Variants in PPIL1 observed in about 807,000 individuals in gnomAD.
PPIL1 encodes peptidylprolyl isomerase like 1, also known as peptidyl-prolyl cis-trans isomerase-like 1.
PPIL1 carries 14 observed loss-of-function variants against 19.4 expected under a neutral mutation model. That is an observed-to-expected ratio of 0.72 (90% CI 0.48 to 1.13). The LOEUF (loss-of-function observed/expected upper bound fraction) is 1.13, where lower values mean the gene tolerates loss of function less well. Ranked by LOEUF, PPIL1 falls within the 50% of genes most tolerant of loss-of-function variation. PPIL1 has a pLI of 0.00. For missense variants in PPIL1, 192 were observed against 218.0 expected, an observed-to-expected ratio of 0.88 and a Z score of 0.75; for synonymous variants, 72 against 73.6, an observed-to-expected ratio of 0.98 and a Z score of 0.11.
At chr6:36,864,709 C>T (rs544651302) in intron 2 of PPIL1, among the ~76,000 whole-genome samples, 7 of 152,128 alleles carry the variant, frequency 4.6e-5, no homozygotes, top group Non-Finnish European at 7.3e-5. Context: ...TCCTTCAATG[C>T]ACAGGACAGC....
chr6:36,869,358 A>C (rs989600931), intron 2 of PPIL1, among the ~76,000 whole-genome samples: 2 of 152,206 alleles, frequency 1.3e-5, no homozygotes, highest in African/African-American at 4.8e-5. Flanking sequence ...AAGTGGCCAC[A>C]TTTGGTGAGA....
rs1314969506 is a variant in PPIL1, at chr6:36,855,559, T to C, written c.*254A>G. ...GCACAAGAAGCAGCATTATGGTTCA[T>C]GTGTAGTAAGTAGTCACCTATTGAT... is the stretch of plus-strand genomic sequence containing the variant. On this transcript the variant is annotated 3_prime_UTR_variant, in exon 4 of 4. Transcript: ENST00000373699. 1.4e-5 allele frequency: 7 copies of C among 506,694 alleles called. No individual in the cohort carries two copies. Among genetic ancestry groups the C allele is most frequent in the Non-Finnish European group, 2.2e-5 (6 of 278,168 alleles). 31.4% of individuals were successfully genotyped at this position (506,694 alleles called of 1,614,324 possible).
chr6:36,865,111 C>G (rs555936134), intron 2 of PPIL1, among the ~76,000 whole-genome samples: 1 of 152,334 alleles, frequency 6.6e-6, no homozygotes, highest in African/African-American at 2.4e-5. Context: ...ACACTCCCGA[C>G]AGGTGAGCTG....
At position 36,855,944 on chromosome 6, in the gene PPIL1, C is replaced by T. The variant is rs756748356; in HGVS notation, c.370G>A (p.Gly124Ser). 13 of 1,614,134 alleles carry T rather than the reference C, an allele frequency of 8.1e-6. No individual in the cohort carries two copies. Among genetic ancestry groups the T allele is most frequent in the Admixed American group, 1.7e-5 (1 of 60,016 alleles). Residue 124 changes from glycine to serine, a missense_variant, in exon 4 of 4, where the codon GGC becomes AGC. Transcript: ENST00000373699. Reference sequence around the variant, plus strand: ...ACTCGGCCAAAAATGGTGTGTTTGCCGTCAAGCCACTGGGTGGGGGCGAGG... The same window carrying T: ...ACTCGGCCAAAAATGGTGTGTTTGCTGTCAAGCCACTGGGTGGGGGCGAGG... ...VTLAPTQWLD[G>S]KHTIFGRVCQ...
intron 3 of PPIL1, among the ~76,000 whole-genome samples, 172 bp downstream of exon 3, chr6:36,856,414 A>C (rs563697602): frequency 1.3e-5 from 2 of 152,324 alleles, no homozygotes; most frequent in East Asian, 3.9e-4. Flanking sequence ...ATTGCTCAGA[A>C]CTTTGTGAGA....
intron 3 of PPIL1, 141 bp from the exon 4 acceptor site, chr6:36,856,174 GTC>G (rs1774163879): frequency 3.6e-6 from 3 of 835,210 alleles, no homozygotes; most frequent in Admixed American, 2.5e-5. Context: ...CCTCAGGGCA[GTC>G]TCTCTGCCCT....
intron 2 of PPIL1, among the ~76,000 whole-genome samples, chr6:36,857,424 A>G (rs34651740): frequency 0.19 from 29,018 of 152,094 alleles, 2,976 homozygotes; most frequent in East Asian, 0.28. Context: ...AAGCTGAGGC[A>G]GGAGGACTGC....
intron 2 of PPIL1, among the ~76,000 whole-genome samples, chr6:36,859,109 T>C (rs1774225632): frequency 6.6e-6 from 1 of 151,858 alleles, no homozygotes; most frequent in Non-Finnish European, 1.5e-5. Flanking sequence ...AAACAAGAAG[T>C]GCATTAAGGA....
At chr6:36,863,659 G>T (rs1774335428) in intron 2 of PPIL1, among the ~76,000 whole-genome samples, 1 of 152,100 alleles carries the variant, frequency 6.6e-6, no homozygotes, top group Non-Finnish European at 1.5e-5. Flanking sequence ...TCAACACCAA[G>T]TGTCTCTACT....
chr6:36,864,711 C>T (rs1583113314), intron 2 of PPIL1, among the ~76,000 whole-genome samples: 1 of 152,160 alleles, frequency 6.6e-6, no homozygotes, highest in African/African-American at 2.4e-5. Flanking sequence ...CTTCAATGCA[C>T]AGGACAGCAC....
intron 3 of PPIL1, among the ~76,000 whole-genome samples, chr6:36,856,339 A>G (rs112562781): frequency 5.5e-4 from 84 of 152,352 alleles, no homozygotes; most frequent in African/African-American, 1.9e-3. Context: ...CTTTGAGGAC[A>G]CTTTTGATAT....
At position 36,855,430 on chromosome 6, in the gene PPIL1, T is replaced by G; in HGVS notation, c.*383A>C. The G allele has an allele frequency of 3.6e-6, 1 of 281,472 alleles. No homozygotes were observed. The highest frequency in any genetic ancestry group is 8.5e-5 in the East Asian group (1 of 11,768). The allele number at this position is 281,472 out of a possible 1,614,324, so 17.4% of individuals were successfully genotyped here. ...GGCTGTCAGCCATCAAGGACTGCTG[T>G]GTAGGCCAGAATATAAATCTCCTTA... On this transcript the variant is annotated 3_prime_UTR_variant, in exon 4 of 4. Coordinates refer to ENST00000373699, the MANE Select transcript of PPIL1 (RefSeq NM_016059.5).
At chr6:36,860,367 T>C (rs1258238762) in intron 2 of PPIL1, among the ~76,000 whole-genome samples, 2 of 152,098 alleles carry the variant, frequency 1.3e-5, no homozygotes, top group East Asian at 3.9e-4. Flanking sequence ...GTGGCTGAGG[T>C]GAGAGGATCA....
At chr6:36,873,447 C>A (rs1014172979) in intron 1 of PPIL1, among the ~76,000 whole-genome samples, 1 of 152,088 alleles carries the variant, frequency 6.6e-6, no homozygotes, top group Non-Finnish European at 1.5e-5. Context: ...ATCATATGAT[C>A]CCATTTTTTT....
intron 2 of PPIL1, among the ~76,000 whole-genome samples, chr6:36,861,474 T>G (rs1774287049): frequency 6.6e-6 from 1 of 152,184 alleles, no homozygotes; most frequent in Admixed American, 6.5e-5. Context: ...AGTCCCGCTG[T>G]GGGCTCTGAG....
At chr6:36,872,644 G>T (rs540941557) in intron 1 of PPIL1, among the ~76,000 whole-genome samples, 63 of 151,722 alleles carry the variant, frequency 4.2e-4, no homozygotes, top group Non-Finnish European at 4.3e-4. Context: ...GGTCTCCTCT[G>T]TCACCCAGGT....
At chr6:36,863,446 G>A (rs1489543675) in intron 2 of PPIL1, among the ~76,000 whole-genome samples, 3 of 151,890 alleles carry the variant, frequency 2.0e-5, no homozygotes, top group Non-Finnish European at 2.9e-5. Flanking sequence ...CTACCACCAC[G>A]TACCCAATCC....
intron 2 of PPIL1, among the ~76,000 whole-genome samples, chr6:36,870,331 C>T (rs889357394): frequency 6.6e-6 from 1 of 152,088 alleles, no homozygotes; most frequent in East Asian, 1.9e-4. Flanking sequence ...CATCTAAATG[C>T]CAGTAACTCC....
Position 36,856,585 on chromosome 6 carries a change from CCCG to C in PPIL1, c.278_280del (p.Thr93_Gly94delinsArg). 9 of 1,613,668 alleles carry C rather than the reference CCCG, an allele frequency of 5.6e-6. No homozygotes were observed. The highest frequency in any genetic ancestry group is 7.6e-6 in the Non-Finnish European group (9 of 1,179,556). On this transcript the variant is annotated inframe_deletion and splice_region_variant, in exon 3 of 4. Coordinates refer to ENST00000373699, the MANE Select transcript of PPIL1 (RefSeq NM_016059.5). ...CCAGTCCAGCCAAATTATACACTTA[CCCG>C]TGAATTTCAAGTCTGGATGAAGTTC...
Sources: gnomAD v4.1 joint callset for allele counts (sites outside exome capture counted in the v4.1 genomes callset) on GRCh38, gnomAD v4.1.1 for gene constraint, MANE v1.5 for transcripts, NCBI Gene and HGNC (gene_info 2026-07-23, HGNC 2026-07-21) for gene names.